RFX6: variants seen among roughly 807,000 people sequenced by gnomAD.
RFX6 encodes the protein DNA-binding protein RFX6.
In RFX6, 50 loss-of-function variants were observed where a neutral mutation model predicts 110.8. The ratio of observed to expected loss-of-function variants is 0.45; its 90% CI spans 0.36 to 0.57. RFX6 has a LOEUF of 0.57. Among genes scored for constraint, RFX6 ranks in the 20% least tolerant of loss-of-function variants. The probability of loss-of-function intolerance (pLI) is 0.00; values close to 1 mark genes in which losing one functional copy is unlikely to be tolerated. For synonymous variants in RFX6, 383 were observed against 411.2 expected (o/e 0.93, Z 0.83); for missense variants, 990 against 1,127.0 (o/e 0.88, Z 1.74).
chr6:116,923,062 T>C lies in RFX6; in HGVS notation c.1438-45T>C, dbSNP rs372421832. On this transcript the variant is annotated intron_variant, in intron 13 of 18. Coordinates refer to ENST00000332958, the MANE Select transcript of RFX6 (RefSeq NM_173560.4). ...ATCTAACACAGGATGCATGTAGTAC[T>C]GAGAGGACGGATTTTATAGTTTCAT... 23 of 985,116 alleles carry C rather than the reference T, an allele frequency of 2.3e-5. 1 individual carries two copies. The highest frequency in any genetic ancestry group is 1.4e-4 in the East Asian group (6 of 41,988). 61.0% of individuals were successfully genotyped at this position (985,116 alleles called of 1,614,324 possible). A position where few individuals can be genotyped will look rare whatever the true frequency, so the allele number is the denominator to read the frequency against.
intron 7 of RFX6, among the ~76,000 whole-genome samples, chr6:116,915,365 T>C (rs1775439795): frequency 6.6e-6 from 1 of 152,190 alleles, no homozygotes; most frequent in Non-Finnish European, 1.5e-5. Context: ...CACTGTTCCA[T>C]ATGTGTCACA....
At chr6:116,926,940 T>G (rs923285463) in intron 16 of RFX6, 87 bp from the exon 17 acceptor site, 6 of 1,246,256 alleles carry the variant, frequency 4.8e-6, no homozygotes, top group Non-Finnish European at 7.0e-6. Context: ...AAACAATACA[T>G]TAATAAATCT....
intron 12 of RFX6, among the ~76,000 whole-genome samples, chr6:116,921,655 ATT>A (rs200362577): frequency 4.2e-4 from 61 of 145,450 alleles, no homozygotes; most frequent in South Asian, 4.4e-4. Flanking sequence ...TTGCTCTATA[ATT>A]TTTTTTTTTT....
rs983754392 is a variant in RFX6 at position 116,920,541 on chromosome 6, G to C, written c.1327+87G>C. ...CTGGGTAACTCTGTTGGAGGAGCCT[G>C]TCCAGTGTGCTGTAGGATGTTTAGC... On this transcript the variant is annotated intron_variant, in intron 12 of 18. Transcript: ENST00000332958. 4.5e-6 allele frequency: 5 copies of C among 1,105,574 alleles called. No individual in the cohort carries two copies. In the African/African-American group the frequency reaches 6.2e-5, roughly 14 times the overall value. 68.5% of individuals were successfully genotyped at this position (1,105,574 alleles called of 1,614,324 possible).
At position 116,927,209 on chromosome 6, in the gene RFX6, C is replaced by T. The variant is rs267600779; in HGVS notation, c.2068C>T (p.Pro690Ser). 3.1e-6 allele frequency: 5 copies of T among 1,614,200 alleles called. No homozygotes were observed. Among genetic ancestry groups the T allele is most frequent in the Non-Finnish European group, 4.2e-6 (5 of 1,180,036 alleles). ...CCCAGAGCCCATTTATCCCACTCTC[C>T]CTCAAGCCAATCATGACTTTTATAG... is the stretch of plus-strand genomic sequence containing the variant. ...TYPEPIYPTLPQANHDFYSTS... is the reference protein window; with the variant it reads ...TYPEPIYPTLSQANHDFYSTS... Residue 690 changes from proline (P) to serine (S), a missense_variant, in exon 17 of 19, where the codon CCT (proline) becomes TCT (serine). Coordinates refer to ENST00000332958, the MANE Select transcript of RFX6 (RefSeq NM_173560.4).
chr6:116,882,568 T>TTA, intron 4 of RFX6, 140 bp downstream of exon 4: 2 of 467,282 alleles, frequency 4.3e-6, no homozygotes, highest in African/African-American at 3.5e-5. Context: ...CTGTGAGAAC[T>TTA]GAAAAAAAAA....
At chr6:116,924,159 T>C (rs1775660223) in intron 14 of RFX6, among the ~76,000 whole-genome samples, 1 of 152,222 alleles carries the variant, frequency 6.6e-6, no homozygotes, top group African/African-American at 2.4e-5. Context: ...CCAGAACATA[T>C]TTCACTTGAA....
Position 116,925,603 on chromosome 6 carries a change from T to C in RFX6, c.1829T>C (p.Leu610Pro), listed in dbSNP as rs150973410. 7.3e-4 allele frequency: 1,174 copies of C among 1,613,894 alleles called. No individual in the cohort carries two copies. The highest frequency in any genetic ancestry group is 9.7e-4 in the Non-Finnish European group (1,148 of 1,179,876). The change falls in exon 16 of 19, where the codon CTA becomes CCA. Residue 610 changes from leucine to proline, a missense_variant. Leu to Pro is a moderately conservative substitution (Grantham distance 98, BLOSUM62 -3). Transcript: ENST00000332958. ...LPLPSSQPGG[L>P]GPALHQFPAG... is the part of the protein sequence containing the mutation. Reference sequence around the variant, plus strand: ...CTGCCATCCAGTCAACCTGGAGGCCTAGGCCCTGCTCTGCACCAGTTCCCT... The same window carrying C: ...CTGCCATCCAGTCAACCTGGAGGCCCAGGCCCTGCTCTGCACCAGTTCCCT...
intron 3 of RFX6, among the ~76,000 whole-genome samples, chr6:116,881,039 G>A (rs977253574): frequency 6.6e-5 from 10 of 152,096 alleles, no homozygotes; most frequent in African/African-American, 2.2e-4. Context: ...TATTTACCTA[G>A]TCCAAATATA....
At chr6:116,877,578 C>T in intron 1 of RFX6, 80 bp downstream of exon 1, 3 of 1,154,924 alleles carry the variant, frequency 2.6e-6, no homozygotes, top group South Asian at 3.0e-5. Flanking sequence ...AATAATGCAT[C>T]CCGAACAAAC....
In RFX6 at chr6:116,919,243, C is replaced by T. The variant is rs905283251; in HGVS notation, c.1129C>T (p.Arg377Ter). Reference sequence around the variant, plus strand: ...AACTGACAAGAAAATACCTATTGTGCGAAGATTTGTATCTTCTCTGAAACG... The same window carrying T: ...AACTGACAAGAAAATACCTATTGTGTGAAGATTTGTATCTTCTCTGAAACG... ...ALTDKKIPIV[R>*]RFVSSLKRQT... Residue 377 changes from arginine (R) to a stop codon, truncating the protein, a stop_gained, in exon 11 of 19, where the codon CGA (arginine) becomes TGA (stop). Transcript: ENST00000332958. LOFTEE classifies it high-confidence loss of function. 14 of 1,612,876 alleles carry T rather than the reference C, an allele frequency of 8.7e-6. No homozygotes were observed. Among genetic ancestry groups the T allele is most frequent in the African/African-American group, 2.7e-5 (2 of 74,840 alleles).
intron 6 of RFX6, among the ~76,000 whole-genome samples, chr6:116,902,573 T>C (rs1027862984): frequency 1.3e-5 from 2 of 152,058 alleles, no homozygotes; most frequent in Admixed American, 6.5e-5. Context: ...TAATATTTTC[T>C]CCCCATCAAA....
intron 4 of RFX6, among the ~76,000 whole-genome samples, chr6:116,884,411 A>C (rs1774655686): frequency 6.6e-6 from 1 of 152,192 alleles, no homozygotes; most frequent in African/African-American, 2.4e-5. Context: ...AATTGATTGC[A>C]ATTAATGTTA....
chr6:116,880,131 A>C (rs1323646019), intron 2 of RFX6, among the ~76,000 whole-genome samples: 2 of 152,034 alleles, frequency 1.3e-5, no homozygotes, highest in East Asian at 3.9e-4. Flanking sequence ...TGAAAGTGAG[A>C]GAATGTAAGC....
rs543647034 is a variant in RFX6 at position 116,929,209 on chromosome 6, C to CA, written c.2611+246dup. 3.1e-3 allele frequency among the ~76,000 whole-genome samples: 476 copies of CA among 151,624 alleles called. 2 individuals carry two copies. Among genetic ancestry groups the CA allele is most frequent in the African/African-American group, 0.011 (459 of 41,400 alleles). On this transcript the variant is annotated intron_variant, in intron 18 of 18. Transcript: ENST00000332958. The stretch of plus-strand genomic sequence containing the variant: ...CTACTGCTAGATCTGTTACTTTTTA[C>CA]AAAAAAAATAGCTGGTATCTATTAA...
intron 6 of RFX6, among the ~76,000 whole-genome samples, chr6:116,900,388 G>T (rs1252865715): frequency 1.3e-5 from 2 of 151,998 alleles, no homozygotes; most frequent in Non-Finnish European, 2.9e-5. Context: ...CCGAGTAGCT[G>T]GGATTACAGG....
At chr6:116,907,422 G>T (rs6914465) in intron 6 of RFX6, among the ~76,000 whole-genome samples, 12 of 152,008 alleles carry the variant, frequency 7.9e-5, no homozygotes, top group Admixed American at 7.9e-4. Context: ...GGAAAACTTT[G>T]AGATGTATTG....
chr6:116,883,991 G>A (rs879216802), intron 4 of RFX6, among the ~76,000 whole-genome samples: 1 of 152,260 alleles, frequency 6.6e-6, no homozygotes, highest in South Asian at 2.1e-4. Flanking sequence ...TTTAGTCCAA[G>A]TTCATTTTAC....
At chr6:116,901,704 C>T (rs752582222) in intron 6 of RFX6, among the ~76,000 whole-genome samples, 1 of 152,134 alleles carries the variant, frequency 6.6e-6, no homozygotes, top group South Asian at 2.1e-4. Context: ...GTGATTGTCT[C>T]ACATATATTA....
Sources: allele counts gnomAD v4.1 joint callset (sites outside exome capture counted in the v4.1 genomes callset), GRCh38; gene constraint gnomAD v4.1.1; transcripts MANE v1.5; gene names NCBI Gene and HGNC (gene_info 2026-07-23, HGNC 2026-07-21).